The following PALS2 variants were observed in gnomAD, a reference collection of about 807,000 sequenced individuals.
PALS2 encodes the protein protein associated with LIN7 2, MAGUK p55 family member, also known as protein PALS2.
In PALS2, 27 loss-of-function variants were observed where a neutral mutation model predicts 61.6. The observed-to-expected ratio is 0.44, with a 90% CI of 0.32 to 0.60. The LOEUF is 0.60. Ranked by LOEUF, PALS2 falls within the 20% of genes least tolerant of loss-of-function variation. PALS2 has a pLI of 0.05. For missense variants in PALS2, 554 were observed against 639.4 expected, an observed-to-expected ratio of 0.87 and a Z score of 1.44; for synonymous variants, 236 against 218.6, an observed-to-expected ratio of 1.08 and a Z score of -0.70.
intron 1 of PALS2, among the ~76,000 whole-genome samples, chr7:24,607,605 A>G (rs543894990): frequency 6.0e-5 from 9 of 149,870 alleles, no homozygotes; most frequent in East Asian, 3.9e-4. Context: ...GTGTGTGTAT[A>G]TATACATATA....
At chr7:24,627,849 T>C (rs900124359) in intron 2 of PALS2, among the ~76,000 whole-genome samples, 2 of 152,160 alleles carry the variant, frequency 1.3e-5, no homozygotes, top group Non-Finnish European at 2.9e-5. Context: ...AATAGACCAC[T>C]AACAAGTTCT....
chr7:24,665,768 C>A, intron 7 of PALS2, 81 bp downstream of exon 7: 1 of 1,270,704 alleles, frequency 7.9e-7, no homozygotes, highest in Non-Finnish European at 1.1e-6. Flanking sequence ...TAAGCAAATG[C>A]ATTTATTTAA....
intron 2 of PALS2, among the ~76,000 whole-genome samples, chr7:24,625,115 CATT>C (rs1329156905): frequency 2.0e-5 from 3 of 152,230 alleles, no homozygotes; most frequent in Non-Finnish European, 2.9e-5. Flanking sequence ...TTGTCATAAA[CATT>C]AATTCCTACT....
intron 3 of PALS2, among the ~76,000 whole-genome samples, chr7:24,643,444 A>G (rs1785668347): frequency 2.6e-5 from 4 of 152,182 alleles, no homozygotes; most frequent in Admixed American, 2.6e-4. Context: ...ATGTACATAT[A>G]TAATTTTTTT....
At chr7:24,641,694 T>C (rs763582320) in intron 2 of PALS2, 22 bp from the exon 3 acceptor site, 14 of 1,561,594 alleles carry the variant, frequency 9.0e-6, no homozygotes, top group Admixed American at 4.0e-5. Flanking sequence ...ATTACTACTT[T>C]AATATACTCT....
intron 1 of PALS2, among the ~76,000 whole-genome samples, chr7:24,579,126 A>G (rs1181791038): frequency 1.3e-5 from 2 of 152,260 alleles, no homozygotes; most frequent in African/African-American, 2.4e-5. Flanking sequence ...GATCATGAAC[A>G]GAGTAATTCT....
At chr7:24,581,547 A>G (rs976828674) in intron 1 of PALS2, among the ~76,000 whole-genome samples, 3 of 152,176 alleles carry the variant, frequency 2.0e-5, no homozygotes, top group African/African-American at 7.2e-5. Context: ...CATCTTCATC[A>G]CTTTCTAAGT....
chr7:24,615,130 TA>T lies in PALS2; in HGVS notation c.-2-8535del, dbSNP rs777180060. ...ACACAATATATCAAAACCTGTGAGA[TA>T]CAGCAAAAGCAGTAGTAAGATACTA... On this transcript the variant is annotated intron_variant, in intron 1 of 11. Transcript: ENST00000222644. Among the ~76,000 whole-genome samples the T allele has an allele frequency of 4.6e-5, 7 of 152,070 alleles. No homozygotes were observed. The South Asian group carries it at 1.4e-3, about 31-fold the overall frequency.
intron 2 of PALS2, among the ~76,000 whole-genome samples, chr7:24,624,378 C>G (rs1784647600): frequency 6.6e-6 from 1 of 152,024 alleles, no homozygotes; most frequent in Admixed American, 6.6e-5. Flanking sequence ...AGAGTTCCCC[C>G]AAATGACTCT....
chr7:24,574,675 T>A (rs1259109610), intron 1 of PALS2, among the ~76,000 whole-genome samples: 1 of 152,198 alleles, frequency 6.6e-6, no homozygotes, highest in East Asian at 1.9e-4. Flanking sequence ...TTTTACTTTG[T>A]GCTTCAAGTA....
intron 1 of PALS2, among the ~76,000 whole-genome samples, chr7:24,582,624 C>T (rs1181567550): frequency 3.3e-5 from 5 of 151,750 alleles, no homozygotes; most frequent in Admixed American, 2.6e-4. Context: ...TTTTTATTTA[C>T]TAGAATATGT....
chr7:24,650,748 T>G (rs780175431), intron 5 of PALS2, 36 bp downstream of exon 5: 2 of 1,318,406 alleles, frequency 1.5e-6, no homozygotes, highest in Non-Finnish European at 2.1e-6. Flanking sequence ...TTAAAAATAC[T>G]TTCATGTTTT....
chr7:24,641,566 A>G, intron 2 of PALS2, 150 bp from the exon 3 acceptor site: 2 of 627,052 alleles, frequency 3.2e-6, no homozygotes. Flanking sequence ...TAAAATCTAT[A>G]TATTGCCTCT....
intron 3 of PALS2, among the ~76,000 whole-genome samples, chr7:24,647,151 AT>A (rs761802777): frequency 0.021 from 2,974 of 139,554 alleles, 83 homozygotes; most frequent in African/African-American, 0.069. Context: ...AATTTAATTA[AT>A]TTTTTTTTTT....
At chr7:24,661,780 T>A (rs1786733730) in intron 5 of PALS2, among the ~76,000 whole-genome samples, 1 of 152,202 alleles carries the variant, frequency 6.6e-6, no homozygotes, top group Admixed American at 6.5e-5. Flanking sequence ...GTTTATATTT[T>A]CTTAATTTAT....
In PALS2 at chr7:24,685,183, T is replaced by C. The variant is rs191019696; in HGVS notation, c.1447-2255T>C. ...GTTCTTATTGTACACCTCCCACTTA[T>C]AACCCACTAGATATTATCTTCTTTT... On this transcript the variant is annotated intron_variant, in intron 11 of 11. Coordinates refer to ENST00000222644, the MANE Select transcript of PALS2 (RefSeq NM_001303037.2). Among the ~76,000 whole-genome samples the C allele has an allele frequency of 2.6e-4, 39 of 152,306 alleles. 1 individual carries two copies. Among genetic ancestry groups the C allele is most frequent in the African/African-American group, 9.1e-4 (38 of 41,580 alleles).
chr7:24,668,083 CTG>C (rs1250771701), intron 8 of PALS2, among the ~76,000 whole-genome samples: 10 of 151,838 alleles, frequency 6.6e-5, no homozygotes, highest in Admixed American at 2.0e-4. Flanking sequence ...CTTTGGGAGA[CTG>C]AGGCAGCAGG....
chr7:24,622,930 A>G (rs1784581449), intron 1 of PALS2, among the ~76,000 whole-genome samples: 1 of 151,712 alleles, frequency 6.6e-6, no homozygotes, highest in Non-Finnish European at 1.5e-5. Flanking sequence ...TCTTTGTCTG[A>G]AGTGTCATTT....
chr7:24,618,678 C>T lies in PALS2; in HGVS notation c.-2-4988C>T, dbSNP rs1051547574. On this transcript the variant is annotated intron_variant, in intron 1 of 11. Transcript: ENST00000222644. The surrounding 1 kb of genome is among the most constrained non-coding windows in gnomAD (Gnocchi z 5.1). ...GAGGTTCCTCTGATTACCTTCCTCC[C>T]CTACCAAGCCTCCGCTCCCACAAGG... is the stretch of plus-strand genomic sequence containing the variant. Among the ~76,000 whole-genome samples the T allele has an allele frequency of 6.6e-6, 1 of 152,194 alleles. No homozygotes were observed. The highest frequency in any genetic ancestry group is 2.1e-4 in the South Asian group (1 of 4,836).
Sources: gnomAD v4.1 joint callset for allele counts (sites outside exome capture counted in the v4.1 genomes callset) on GRCh38, gnomAD v4.1.1 for gene constraint, Gnocchi (gnomAD v3.1) non-coding constraint, MANE v1.5 for transcripts, NCBI Gene and HGNC (gene_info 2026-07-23, HGNC 2026-07-21) for gene names.